RBFOX1: variants seen among roughly 807,000 people sequenced by gnomAD.
RBFOX1 encodes the protein RNA binding fox-1 homolog 1.
In RBFOX1, 8 loss-of-function variants were observed where a neutral mutation model predicts 57.7. The ratio of observed to expected loss-of-function variants is 0.14; its 90% confidence interval spans 0.08 to 0.25. The LOEUF is 0.25. Among genes scored for constraint, RBFOX1 ranks in the 10% least tolerant of loss-of-function variants. The probability of loss-of-function intolerance (pLI) is 1.00; values close to 1 mark genes in which losing one functional copy is unlikely to be tolerated. For synonymous variants in RBFOX1, 326 were observed against 222.4 expected, an observed-to-expected ratio of 1.47 and a Z score of -4.15; for missense variants, 611 against 548.5, an observed-to-expected ratio of 1.11 and a Z score of -1.14.
intron 3 of RBFOX1, among the ~76,000 whole-genome samples, chr16:7,008,654 TCCC>T (rs1454471072): frequency 2.7e-4 from 2 of 7,422 alleles, no homozygotes; most frequent in African/African-American, 1.8e-3. Context: ...TCCTTCCTCC[TCCC>T]TTCCTCCCTC....
At chr16:5,350,364 G>A (rs1567370873) in intron 1 of RBFOX1, among the ~76,000 whole-genome samples, 1 of 152,176 alleles carries the variant, frequency 6.6e-6, no homozygotes, top group Non-Finnish European at 1.5e-5. Flanking sequence ...TCTGGGAAAC[G>A]GCTGTTGGCT....
intron 1 of RBFOX1, among the ~76,000 whole-genome samples, chr16:6,190,659 G>A (rs905164450): frequency 3.9e-5 from 6 of 152,122 alleles, no homozygotes; most frequent in East Asian, 1.9e-4. Flanking sequence ...GGAACACACA[G>A]CCACCAATTT....
intron 2 of RBFOX1, among the ~76,000 whole-genome samples, chr16:6,421,139 C>A (rs979782927): frequency 6.6e-6 from 1 of 152,140 alleles, no homozygotes. Flanking sequence ...GTGGTGTAAA[C>A]AAGAGAGGCC....
In RBFOX1 at chr16:6,060,122, G is replaced by GTTTT. The variant is rs199690584; in HGVS notation, c.-127+40163_-127+40166dup. ...ATTTGGCCCTAAAATTAGGATTAGGGTTTTTTTTTTTTTTTTTTTTTTTTT... is the reference window on the plus strand; with the variant it reads ...ATTTGGCCCTAAAATTAGGATTAGGGTTTTTTTTTTTTTTTTTTTTTTTTTTTTT... On this transcript the variant is annotated intron_variant, in intron 1 of 15. Transcript: ENST00000550418. 4.0e-3 allele frequency among the ~76,000 whole-genome samples: 457 copies of GTTTT among 114,152 alleles called. 33 individuals are homozygous for GTTTT. Among genetic ancestry groups the GTTTT allele is most frequent in the Non-Finnish European group, 4.7e-3 (274 of 58,102 alleles). The allele number at this position is 114,152 out of a possible 152,430, so 74.9% of individuals were successfully genotyped here. A position where few individuals can be genotyped will look rare whatever the true frequency, so the allele number is the denominator to read the frequency against.
At chr16:6,864,784 G>C (rs1264824080) in intron 3 of RBFOX1, among the ~76,000 whole-genome samples, 1 of 151,802 alleles carries the variant, frequency 6.6e-6, no homozygotes, top group Admixed American at 6.6e-5. Flanking sequence ...TCTAATGTGG[G>C]TTTAAAAACA....
rs548796824 is a variant in RBFOX1, at chr16:5,693,878, C to T, written c.318+94917C>T. ...TCCTGATCTAGAGAAGGTTGGGGTT[C>T]AGTGAGAGGACTGTCTTCTGGGCTG... On this transcript the variant is annotated intron_variant, in intron 3 of 19. Transcript: ENST00000641259. 6.6e-5 allele frequency among the ~76,000 whole-genome samples: 10 copies of T among 152,256 alleles called. No individual in the cohort carries two copies. In the South Asian group the frequency reaches 2.1e-3, roughly 32 times the overall value.
At chr16:7,519,424 A>T (rs765105487) in intron 5 of RBFOX1, among the ~76,000 whole-genome samples, 1 of 152,216 alleles carries the variant, frequency 6.6e-6, no homozygotes, top group Non-Finnish European at 1.5e-5. Flanking sequence ...ATACGCCATA[A>T]AGAGTAAATT....
intron 1 of RBFOX1, among the ~76,000 whole-genome samples, chr16:5,357,517 G>A (rs1238750131): frequency 6.6e-6 from 1 of 152,178 alleles, no homozygotes; most frequent in African/African-American, 2.4e-5. Flanking sequence ...CCACCAGAAT[G>A]GATCTCAAAG....
intron 4 of RBFOX1, among the ~76,000 whole-genome samples, chr16:7,463,972 G>T (rs1030843296): frequency 3.3e-5 from 5 of 152,236 alleles, no homozygotes; most frequent in African/African-American, 1.2e-4. Flanking sequence ...GTCTTGCCCT[G>T]GGTGACTCAG....
intron 1 of RBFOX1, among the ~76,000 whole-genome samples, chr16:6,218,000 A>G (rs758580028): frequency 1.3e-5 from 2 of 152,228 alleles, no homozygotes; most frequent in Non-Finnish European, 2.9e-5. Flanking sequence ...TGGAAGGCAG[A>G]GTGAGATTCT....
At chr16:5,757,506 A>G (rs1167794016) in intron 3 of RBFOX1, among the ~76,000 whole-genome samples, 1 of 152,092 alleles carries the variant, frequency 6.6e-6, no homozygotes, top group Non-Finnish European at 1.5e-5. Context: ...CTGGGATTAC[A>G]GGCATGAGTC....
intron 3 of RBFOX1, among the ~76,000 whole-genome samples, chr16:6,829,373 A>C (rs562779746): frequency 6.6e-6 from 1 of 152,004 alleles, no homozygotes; most frequent in South Asian, 2.1e-4. Flanking sequence ...GTACACACAC[A>C]TACATACACA....
At chr16:6,198,577 G>C (rs550277102) in intron 1 of RBFOX1, among the ~76,000 whole-genome samples, 106 of 152,264 alleles carry the variant, frequency 7.0e-4, no homozygotes, top group Middle Eastern at 6.8e-3. Flanking sequence ...CTGAAAACAA[G>C]AGATTGGATT....
chr16:5,919,626 T>A (rs548245874), intron 4 of RBFOX1, among the ~76,000 whole-genome samples: 30 of 151,962 alleles, frequency 2.0e-4, no homozygotes, highest in Non-Finnish European at 3.1e-4. Context: ...TTATGCAAAT[T>A]TTATATAATA....
chr16:6,217,594 A>C (rs1239283653), intron 1 of RBFOX1, among the ~76,000 whole-genome samples: 1 of 152,174 alleles, frequency 6.6e-6, no homozygotes, highest in Non-Finnish European at 1.5e-5. Flanking sequence ...CCCTGGGTGT[A>C]CCCACATCGT....
chr16:5,614,428 C>G (rs1206640869), intron 3 of RBFOX1, among the ~76,000 whole-genome samples: 2 of 152,118 alleles, frequency 1.3e-5, no homozygotes, highest in Admixed American at 6.5e-5. Context: ...TTTCAGTTCA[C>G]TGGCACAGAG....
At chr16:6,547,945 T>C (rs1328700481) in intron 2 of RBFOX1, among the ~76,000 whole-genome samples, 1 of 152,192 alleles carries the variant, frequency 6.6e-6, no homozygotes, top group African/African-American at 2.4e-5. Context: ...GACCCTTAGC[T>C]GGGAAACGTA....
At chr16:7,141,923 C>T (rs1043326563) in intron 4 of RBFOX1, among the ~76,000 whole-genome samples, 9 of 152,138 alleles carry the variant, frequency 5.9e-5, no homozygotes, top group Admixed American at 1.3e-4. Flanking sequence ...ATGTCAGTCC[C>T]CTTCCCCCTT....
Position 6,161,370 on chromosome 16 carries a change from T to C in RBFOX1, c.-127+141378T>C, listed in dbSNP as rs987227462. ...TGCCACTGCACTCCAGCCTGGGCGA[T>C]AGAGTGAGACTCTGTCTTAAAAAAA... On this transcript the variant is annotated intron_variant, in intron 1 of 15. Transcript: ENST00000550418. Among the ~76,000 whole-genome samples the C allele has an allele frequency of 3.1e-4, 46 of 146,720 alleles. 1 individual carries two copies. The highest frequency in any genetic ancestry group is 1.2e-3 in the African/African-American group (45 of 38,794).
Sources: gnomAD v4.1 joint callset for allele counts (sites outside exome capture counted in the v4.1 genomes callset) on GRCh38, gnomAD v4.1.1 for gene constraint, MANE v1.5 for transcripts, NCBI Gene and HGNC (gene_info 2026-07-23, HGNC 2026-07-21) for gene names.